CAMK1G: variants seen among roughly 807,000 people sequenced by gnomAD.
The protein encoded by CAMK1G is calcium/calmodulin-dependent protein kinase type 1G.
A neutral mutation model predicts 54.8 loss-of-function variants in CAMK1G; 27 were observed. The ratio of observed to expected loss-of-function variants is 0.49; its 90% CI spans 0.36 to 0.68. The LOEUF (loss-of-function observed/expected upper bound fraction) is 0.68. Among genes scored for constraint, CAMK1G ranks in the 30% least tolerant of loss-of-function variants. The probability of loss-of-function intolerance (pLI) is 0.00; values close to 1 mark genes in which losing one functional copy is unlikely to be tolerated. For missense variants in CAMK1G, 512 were observed against 591.0 expected (o/e 0.87, Z 1.39); for synonymous variants, 238 against 224.9 (o/e 1.06, Z -0.52).
intron 9 of CAMK1G, 104 bp from the exon 10 acceptor site, chr1:209,611,361 C>A: frequency 1.0e-6 from 1 of 971,198 alleles, no homozygotes; most frequent in Non-Finnish European, 1.6e-6. Flanking sequence ...CTTTCCTCTG[C>A]ACACTCTACC....
At chr1:209,604,661 G>A (rs532792918) in intron 4 of CAMK1G, among the ~76,000 whole-genome samples, 1 of 152,272 alleles carries the variant, frequency 6.6e-6, no homozygotes, top group South Asian at 2.1e-4. Flanking sequence ...CCTGGCTCAC[G>A]GTTGAAATAG....
chr1:209,610,714 G>A (rs370691100), intron 9 of CAMK1G, among the ~76,000 whole-genome samples: 57 of 152,088 alleles, frequency 3.7e-4, no homozygotes, highest in African/African-American at 1.4e-3. Context: ...AATCTCCCCA[G>A]TTCTCTTTAT....
chr1:209,604,064 A>T (rs939862463), intron 4 of CAMK1G, among the ~76,000 whole-genome samples: 17 of 152,346 alleles, frequency 1.1e-4, no homozygotes, highest in African/African-American at 4.1e-4. Context: ...GCACATGCAC[A>T]GACATACACG....
intron 8 of CAMK1G, 112 bp downstream of exon 8, chr1:209,609,204 T>A (rs1190615918): frequency 3.2e-6 from 4 of 1,245,054 alleles, no homozygotes; most frequent in Middle Eastern, 2.0e-4. Flanking sequence ...CTGGGGATCT[T>A]ACAGAACAGG....
rs1255469866 is a variant in CAMK1G, at chr1:209,612,038, T to C, written c.1162T>C (p.Ser388Pro). The C allele has an allele frequency of 6.2e-6, 10 of 1,614,028 alleles. No homozygotes were observed. The highest frequency in any genetic ancestry group is 8.5e-6 in the Non-Finnish European group (10 of 1,180,044). The change falls in exon 11 of 13, where the codon TCC becomes CCC. Residue 388 changes from serine (S) to proline (P), a missense_variant. Ser to Pro is a moderately conservative substitution (Grantham distance 74, BLOSUM62 -1). Coordinates refer to ENST00000361322, the MANE Select transcript of CAMK1G (RefSeq NM_020439.3). ...GRRPTAPGGR[S>P]LNCLVNGSLH... ...CCGGCCCACTGCCCCTGGTGGCAGG[T>C]CCCTCAACTGCCTGGTCAATGGCTC...
In CAMK1G at chr1:209,611,490, C is replaced by A; in HGVS notation, c.853C>A (p.Arg285=). The part of the protein sequence containing the change: ...PWIDGNTALH[R]DIYPSVSLQI... ...GATTGACGGAAACACAGCCCTCCAC[C>A]GGGACATCTACCCATCAGTCAGCCT... Residue 285 remains arginine, a synonymous_variant, in exon 10 of 13, where the codon CGG becomes AGG. Coordinates refer to ENST00000361322, the MANE Select transcript of CAMK1G (RefSeq NM_020439.3). The A allele has an allele frequency of 6.2e-7, 1 of 1,614,138 alleles. No homozygotes were observed. The highest frequency in any genetic ancestry group is 8.5e-7 in the Non-Finnish European group (1 of 1,180,012).
chr1:209,596,944 A>G (rs552902636), intron 2 of CAMK1G, among the ~76,000 whole-genome samples: 1 of 152,304 alleles, frequency 6.6e-6, no homozygotes, highest in African/African-American at 2.4e-5. Flanking sequence ...AGGAATCTAT[A>G]TTTTAAGTGC....
At position 209,603,237 on chromosome 1, in the gene CAMK1G, C is replaced by A; in HGVS notation, c.245C>A (p.Thr82Asn). 1 of 1,614,126 alleles carries A rather than the reference C, an allele frequency of 6.2e-7. No individual in the cohort carries two copies. The highest frequency in any genetic ancestry group is 1.7e-5 in the Admixed American group (1 of 60,028). ...AGGATCAAGCATGAAAACATTGTGA[C>A]CCTGGAGGACATCTATGAGAGCACC... ...LKKIKHENIV[T>N]LEDIYESTTH... Residue 82 changes from threonine to asparagine, a missense_variant, in exon 4 of 13, where the codon ACC becomes AAC. Coordinates refer to ENST00000361322, the MANE Select transcript of CAMK1G (RefSeq NM_020439.3).
chr1:209,594,982 C>G lies in CAMK1G; in HGVS notation c.-2C>G. On this transcript the variant is annotated 5_prime_UTR_variant, in exon 2 of 13. Transcript: ENST00000361322. The stretch of plus-strand genomic sequence containing the variant: ...TCCTCAGAAGCTTCAACTCTGGAGG[C>G]AATGGGTCGAAAGGAAGAAGATGAC... 6.2e-7 allele frequency: 1 copy of G among 1,613,302 alleles called. No homozygotes were observed. The highest frequency in any genetic ancestry group is 8.5e-7 in the Non-Finnish European group (1 of 1,179,556).
At chr1:209,605,409 C>T (rs1221711929) in intron 4 of CAMK1G, 127 bp from the exon 5 acceptor site, 3 of 1,122,642 alleles carry the variant, frequency 2.7e-6, no homozygotes, top group Non-Finnish European at 3.8e-6. Flanking sequence ...GGCAGCCCTT[C>T]AATCACAGTT....
chr1:209,597,000 C>A (rs919730029), intron 2 of CAMK1G, among the ~76,000 whole-genome samples: 3 of 152,044 alleles, frequency 2.0e-5, no homozygotes, highest in African/African-American at 7.3e-5. Context: ...TTGAAGGGAG[C>A]AGGAGGACAA....
chr1:209,610,349 A>C (rs4140599), intron 9 of CAMK1G, among the ~76,000 whole-genome samples: 61,860 of 152,008 alleles, frequency 0.41, 14,267 homozygotes, highest in African/African-American at 0.63. Context: ...GCAAAATAGG[A>C]AAAAGAAAAT....
At chr1:209,601,065 G>A (rs1455233631) in intron 3 of CAMK1G, among the ~76,000 whole-genome samples, 1 of 152,124 alleles carries the variant, frequency 6.6e-6, no homozygotes, top group Non-Finnish European at 1.5e-5. Context: ...TTTATTCTGT[G>A]GGCAAAAAGA....
rs1019193967 is a variant in CAMK1G at position 209,613,738 on chromosome 1, C to G, written c.*736C>G. On this transcript the variant is annotated 3_prime_UTR_variant, in exon 13 of 13. Transcript: ENST00000361322. ...AGGAATTCTTATCCTGGCCACATGT[C>G]CTCCGTGCACACACCCAATGGAGTT... is the stretch of plus-strand genomic sequence containing the variant. 1 of 152,198 alleles carries G rather than the reference C, an allele frequency of 6.6e-6. No homozygotes were observed. Among genetic ancestry groups the G allele is most frequent in the Non-Finnish European group, 1.5e-5 (1 of 68,052 alleles). The allele number at this position is 152,198 out of a possible 1,614,324, so 9.4% of individuals were successfully genotyped here.
At chr1:209,591,724 A>G (rs1005929247) in intron 1 of CAMK1G, among the ~76,000 whole-genome samples, 1 of 152,178 alleles carries the variant, frequency 6.6e-6, no homozygotes, top group Non-Finnish European at 1.5e-5. Flanking sequence ...TAGACTTATC[A>G]GGGACCCTGG....
chr1:209,593,566 C>T (rs775820930), intron 1 of CAMK1G, among the ~76,000 whole-genome samples: 5 of 152,186 alleles, frequency 3.3e-5, no homozygotes, highest in African/African-American at 1.2e-4. Context: ...TTCATGAGCT[C>T]AGTCAGGGCA....
chr1:209,606,852 G>A (rs758451120), intron 6 of CAMK1G, among the ~76,000 whole-genome samples: 11 of 152,200 alleles, frequency 7.2e-5, no homozygotes, highest in African/African-American at 1.2e-4. Flanking sequence ...GTTCTTGGGA[G>A]CCTGGAAGCA....
In CAMK1G at chr1:209,606,340, T is replaced by C. The variant is rs767799311; in HGVS notation, c.456T>C (p.Leu152=). ...RDLKPENLLY[L]TPEENSKIMI... ...TACAGCCCGAAAACCTGCTTTACCT[T>C]ACCCCTGAAGAGAACTCTAAGATCA... Residue 152 remains leucine (L), a synonymous_variant, in exon 6 of 13, where the codon CTT becomes CTC. Transcript: ENST00000361322. 6 of 1,614,038 alleles carry C rather than the reference T, an allele frequency of 3.7e-6. No individual in the cohort carries two copies.
At position 209,595,070 on chromosome 1, in the gene CAMK1G, G is replaced by T. The variant is rs1415048890; in HGVS notation, c.87G>T (p.Leu29=). The change falls in exon 2 of 13, where the codon CTG becomes CTT. Residue 29 remains leucine, a synonymous_variant. Coordinates refer to ENST00000361322, the MANE Select transcript of CAMK1G (RefSeq NM_020439.3). ...IRKTFIFMEV[L]GSGAFSEVFL... ...AAACCTTCATTTTTATGGAAGTGCT[G>T]GGATCGTAAGTCCTGGGGCTGTGAG... is the stretch of plus-strand genomic sequence containing the variant. 8 of 1,613,544 alleles carry T rather than the reference G, an allele frequency of 5.0e-6. No individual in the cohort carries two copies. Among genetic ancestry groups the T allele is most frequent in the Non-Finnish European group, 6.8e-6 (8 of 1,179,506 alleles).
Sources: allele counts gnomAD v4.1 joint callset (sites outside exome capture counted in the v4.1 genomes callset), GRCh38; gene constraint gnomAD v4.1.1; transcripts MANE v1.5; gene names NCBI Gene and HGNC (gene_info 2026-07-23, HGNC 2026-07-21).